The following HSPA12A variants were observed in gnomAD, a reference collection of about 807,000 sequenced individuals.
The protein encoded by HSPA12A is heat shock protein family A (Hsp70) member 12A.
Under a neutral mutation model 69.2 loss-of-function variants are expected in HSPA12A, and 28 were observed. The ratio of observed to expected loss-of-function variants is 0.40; its 90% CI spans 0.30 to 0.55. The LOEUF (loss-of-function observed/expected upper bound fraction) is 0.55. HSPA12A is among the 20% of genes least tolerant of loss of function. The pLI is 0.38. For synonymous variants in HSPA12A, 345 were observed against 370.5 expected (o/e 0.93, Z 0.79); for missense variants, 686 against 900.7 (o/e 0.76, Z 3.05).
rs575470347 is a variant in HSPA12A, at chr10:116,819,743, G to A, written c.91+15192C>T. ...AGAATGATGGCAACGTGGGAAAATC[G>A]TTATTACTGTAGGATATGTATAATG... On this transcript the variant is annotated intron_variant, in intron 2 of 12. Transcript: ENST00000635765. 1.2e-4 allele frequency among the ~76,000 whole-genome samples: 19 copies of A among 152,308 alleles called. No individual in the cohort carries two copies. The East Asian group carries it at 2.7e-3, about 22-fold the overall frequency.
At chr10:116,801,744 GA>G (rs889850291) in intron 2 of HSPA12A, among the ~76,000 whole-genome samples, 125 of 146,504 alleles carry the variant, frequency 8.5e-4, no homozygotes, top group African/African-American at 2.1e-3. Flanking sequence ...TTCACCAAAA[GA>G]AAAAAAAAAG....
chr10:116,676,858 C>T (rs1467220652), intron 10 of HSPA12A, among the ~76,000 whole-genome samples: 2 of 152,206 alleles, frequency 1.3e-5, no homozygotes, highest in African/African-American at 4.8e-5. Flanking sequence ...GTTAAAAGCT[C>T]CCTGGCGAGT....
At chr10:116,705,894 T>C (rs915553611) in intron 2 of HSPA12A, among the ~76,000 whole-genome samples, 1 of 29,254 alleles carries the variant, frequency 3.4e-5, no homozygotes, top group South Asian at 1.5e-3. Context: ...CTCTCTCTCC[T>C]TTTTTTTTTT....
At chr10:116,826,555 G>A (rs1845510614) in intron 2 of HSPA12A, among the ~76,000 whole-genome samples, 1 of 152,162 alleles carries the variant, frequency 6.6e-6, no homozygotes, top group Non-Finnish European at 1.5e-5. Flanking sequence ...TGTCACAGAA[G>A]TACCAAAGGG....
intron 11 of HSPA12A, among the ~76,000 whole-genome samples, chr10:116,676,189 G>A (rs1849229751): frequency 6.6e-6 from 1 of 152,326 alleles, no homozygotes; most frequent in African/African-American, 2.4e-5. Context: ...GCTCTCAGCA[G>A]CTTTGCAGTA....
intron 1 of HSPA12A, among the ~76,000 whole-genome samples, chr10:116,739,288 T>C (rs1439300351): frequency 6.6e-6 from 1 of 152,218 alleles, no homozygotes; most frequent in Admixed American, 6.5e-5. Flanking sequence ...GCGTCCTTCA[T>C]AGTCATTCAT....
At chr10:116,805,765 G>A (rs1845054621) in intron 2 of HSPA12A, among the ~76,000 whole-genome samples, 1 of 152,166 alleles carries the variant, frequency 6.6e-6, no homozygotes, top group Non-Finnish European at 1.5e-5. Flanking sequence ...TTTAATACAT[G>A]TTTTAAGAAG....
At chr10:116,847,124 C>T (rs532408195) in intron 1 of HSPA12A, among the ~76,000 whole-genome samples, 3 of 152,346 alleles carry the variant, frequency 2.0e-5, no homozygotes, top group East Asian at 3.9e-4. Flanking sequence ...ACATCTAACA[C>T]CCAATGCATC....
chr10:116,850,034 T>G, upstream of HSPA12A: 15 of 529,972 alleles, frequency 2.8e-5, no homozygotes, highest in East Asian at 7.3e-5. Context: ...AAGAGGCCTC[T>G]CCGTTTGTGG....
chr10:116,778,742 G>T (rs965123409), intron 2 of HSPA12A, among the ~76,000 whole-genome samples: 7 of 152,132 alleles, frequency 4.6e-5, no homozygotes, highest in African/African-American at 1.7e-4. Context: ...AGCTTGGATG[G>T]CATGATGGGA....
intron 2 of HSPA12A, among the ~76,000 whole-genome samples, chr10:116,802,893 C>G (rs1188791860): frequency 6.6e-6 from 1 of 152,242 alleles, no homozygotes; most frequent in East Asian, 1.9e-4. Flanking sequence ...CTGGGTCAGC[C>G]AGATCTGTGT....
chr10:116,678,348 CAAAAAAA>C (rs55780024), intron 10 of HSPA12A, among the ~76,000 whole-genome samples: 1 of 59,382 alleles, frequency 1.7e-5, no homozygotes, highest in East Asian at 6.5e-4. Context: ...TGCCAACTTG[CAAAAAAA>C]AAAAAAAAAA....
chr10:116,718,196 G>A (rs782199821), intron 1 of HSPA12A, among the ~76,000 whole-genome samples: 15 of 152,202 alleles, frequency 9.9e-5, no homozygotes, highest in Non-Finnish European at 1.6e-4. Context: ...CAGAGGCCAC[G>A]GCACAGCTAG....
intron 2 of HSPA12A, among the ~76,000 whole-genome samples, chr10:116,789,345 T>C (rs761365003): frequency 4.5e-4 from 68 of 152,158 alleles, no homozygotes; most frequent in Non-Finnish European, 8.1e-4. Flanking sequence ...TATAGATATA[T>C]ATGTATATGC....
chr10:116,678,534 G>A (rs575837118), intron 10 of HSPA12A, among the ~76,000 whole-genome samples: 87 of 148,864 alleles, frequency 5.8e-4, no homozygotes, highest in Non-Finnish European at 1.1e-3. Flanking sequence ...GACTCGAGGG[G>A]CGTATCAGAT....
chr10:116,718,195 C>T (rs186999509), intron 1 of HSPA12A, among the ~76,000 whole-genome samples: 52 of 152,314 alleles, frequency 3.4e-4, no homozygotes, highest in Admixed American at 8.5e-4. Context: ...TCAGAGGCCA[C>T]GGCACAGCTA....
At chr10:116,836,013 G>A (rs1310892377) in intron 1 of HSPA12A, among the ~76,000 whole-genome samples, 1 of 152,060 alleles carries the variant, frequency 6.6e-6, no homozygotes, top group Non-Finnish European at 1.5e-5. Context: ...ATCATGATGG[G>A]GCATTTAGTG....
intron 2 of HSPA12A, among the ~76,000 whole-genome samples, chr10:116,806,344 T>C (rs1460801475): frequency 1.3e-5 from 2 of 152,160 alleles, no homozygotes; most frequent in South Asian, 2.1e-4. Flanking sequence ...GCTGGGACTA[T>C]ACAGGCTTGA....
At chr10:116,788,547 C>G (rs1844630342) in intron 2 of HSPA12A, among the ~76,000 whole-genome samples, 1 of 152,190 alleles carries the variant, frequency 6.6e-6, no homozygotes, top group Admixed American at 6.5e-5. Context: ...AGGCTGTGAT[C>G]TGTAGCTCTT....
Sources: allele counts gnomAD v4.1 joint callset (sites outside exome capture counted in the v4.1 genomes callset), GRCh38; gene constraint gnomAD v4.1.1; transcripts MANE v1.5; gene names NCBI Gene and HGNC (gene_info 2026-07-23, HGNC 2026-07-21).